The following LRMDA variants were observed in gnomAD, a reference collection of about 807,000 sequenced individuals.
LRMDA encodes leucine-rich melanocyte differentiation-associated protein.
In LRMDA, 18 loss-of-function variants were observed where a neutral mutation model predicts 29.8. The ratio of observed to expected loss-of-function variants is 0.60; its 90% CI spans 0.42 to 0.90. LRMDA has a LOEUF of 0.90. Ranked by LOEUF, LRMDA falls within the 40% of genes least tolerant of loss-of-function variation. LRMDA has a pLI of 0.00. For missense variants in LRMDA, 273 were observed against 273.9 expected (o/e 1.00, Z 0.02); for synonymous variants, 125 against 109.4 (o/e 1.14, Z -0.89).
At chr10:76,424,285 G>A (rs1177574614) in intron 6 of LRMDA, among the ~76,000 whole-genome samples, 2 of 151,960 alleles carry the variant, frequency 1.3e-5, no homozygotes, top group Non-Finnish European at 2.9e-5. Flanking sequence ...ATTGACCTGC[G>A]TAACAGTTTA....
At chr10:76,211,076 A>G (rs530885616) in intron 5 of LRMDA, among the ~76,000 whole-genome samples, 1 of 152,130 alleles carries the variant, frequency 6.6e-6, no homozygotes, top group Admixed American at 6.5e-5. Flanking sequence ...TGTCCTGGGT[A>G]TGTGGGTCCC....
chr10:76,465,387 G>C (rs2132312039), intron 6 of LRMDA, among the ~76,000 whole-genome samples: 1 of 152,284 alleles, frequency 6.6e-6, no homozygotes, highest in Non-Finnish European at 1.5e-5. Context: ...CCCAGGAGCA[G>C]CCTCCTGCTC....
At chr10:75,711,445 T>A (rs889183496) in intron 2 of LRMDA, among the ~76,000 whole-genome samples, 3 of 152,326 alleles carry the variant, frequency 2.0e-5, no homozygotes, top group African/African-American at 4.8e-5. Flanking sequence ...CTAGTTACAA[T>A]TCCCTGTTTT....
chr10:76,539,215 A>G (rs993345220), intron 6 of LRMDA, among the ~76,000 whole-genome samples: 4 of 152,182 alleles, frequency 2.6e-5, no homozygotes, highest in African/African-American at 9.7e-5. Context: ...AAGGAAGAGT[A>G]CAAGGGTTGT....
At chr10:76,537,455 T>A (rs190500053) in intron 6 of LRMDA, among the ~76,000 whole-genome samples, 1 of 152,226 alleles carries the variant, frequency 6.6e-6, no homozygotes, top group Non-Finnish European at 1.5e-5. Context: ...TTGGTCTTCA[T>A]TGAGCTAAAA....
At position 75,581,583 on chromosome 10, in the gene LRMDA, T is replaced by A. The variant is rs964930052; in HGVS notation, c.131+143089T>A. On this transcript the variant is annotated intron_variant, in intron 2 of 6. Transcript: ENST00000611255. ...ATTACTGGGTATATACCCAAAGGAT[T>A]ATAAGTCATTGTACTATGCAGCCAT... Among the ~76,000 whole-genome samples the A allele has an allele frequency of 7.2e-5, 11 of 152,130 alleles. No individual in the cohort carries two copies. In the South Asian group the frequency reaches 1.9e-3, roughly 26 times the overall value.
chr10:76,272,791 G>A (rs1305719288), intron 5 of LRMDA, among the ~76,000 whole-genome samples: 1 of 152,118 alleles, frequency 6.6e-6, no homozygotes, highest in African/African-American at 2.4e-5. Flanking sequence ...CAATCACGGT[G>A]GAAGGCAAAG....
chr10:76,508,173 G>A (rs186449747), intron 6 of LRMDA, among the ~76,000 whole-genome samples: 30 of 152,278 alleles, frequency 2.0e-4, no homozygotes, highest in Admixed American at 2.0e-3. Flanking sequence ...TACCAGCTTT[G>A]ATCACTTGGT....
At chr10:75,914,359 T>G (rs1288808741) in intron 2 of LRMDA, among the ~76,000 whole-genome samples, 1 of 152,248 alleles carries the variant, frequency 6.6e-6, no homozygotes, top group African/African-American at 2.4e-5. Context: ...ACCTGTGACT[T>G]TATTTATCCC....
At chr10:76,131,786 A>C (rs1849997754) in intron 5 of LRMDA, among the ~76,000 whole-genome samples, 1 of 152,146 alleles carries the variant, frequency 6.6e-6, no homozygotes. Context: ...TTGTCCGTTG[A>C]CAGGGCACTT....
chr10:75,919,526 A>C (rs980966760), intron 2 of LRMDA, among the ~76,000 whole-genome samples: 35 of 152,106 alleles, frequency 2.3e-4, no homozygotes, highest in African/African-American at 8.2e-4. Flanking sequence ...CTGGGCCTTT[A>C]GGGTTTTGCC....
chr10:75,499,600 G>A (rs2132068007), intron 2 of LRMDA, among the ~76,000 whole-genome samples: 1 of 152,324 alleles, frequency 6.6e-6, no homozygotes, highest in East Asian at 1.9e-4. Context: ...ATAACTGCTG[G>A]CTACTGTGGT....
intron 6 of LRMDA, among the ~76,000 whole-genome samples, chr10:76,522,529 A>G (rs1389720261): frequency 6.6e-6 from 1 of 152,242 alleles, no homozygotes; most frequent in Non-Finnish European, 1.5e-5. Context: ...GAGCTCTCGC[A>G]AGATGCAAAG....
intron 2 of LRMDA, among the ~76,000 whole-genome samples, chr10:75,570,465 C>G (rs539369402): frequency 8.6e-5 from 13 of 152,016 alleles, no homozygotes; most frequent in Non-Finnish European, 1.9e-4. Flanking sequence ...AATGTAATTT[C>G]TAGAATTTAT....
At chr10:76,201,541 G>A (rs1462227877) in intron 5 of LRMDA, among the ~76,000 whole-genome samples, 2 of 152,180 alleles carry the variant, frequency 1.3e-5, no homozygotes, top group Non-Finnish European at 2.9e-5. Context: ...CTGAGTCCCT[G>A]TTAGCCACAA....
chr10:76,434,043 AT>A (rs2132285586), intron 6 of LRMDA, among the ~76,000 whole-genome samples: 1 of 152,336 alleles, frequency 6.6e-6, no homozygotes, highest in African/African-American at 2.4e-5. Context: ...CTTTAAAAAT[AT>A]AAACATTAAA....
chr10:76,307,189 C>T (rs537729751), intron 5 of LRMDA, among the ~76,000 whole-genome samples: 1 of 152,216 alleles, frequency 6.6e-6, no homozygotes, highest in East Asian at 1.9e-4. Context: ...GATACCAAAG[C>T]TTAGAAGAAT....
chr10:75,703,951 G>A (rs1842337333), intron 2 of LRMDA, among the ~76,000 whole-genome samples: 2 of 152,150 alleles, frequency 1.3e-5, no homozygotes, highest in Non-Finnish European at 2.9e-5. Flanking sequence ...CATTAGGGTA[G>A]GAGGAATTTC....
chr10:75,460,587 G>T (rs1844572990), intron 2 of LRMDA, among the ~76,000 whole-genome samples: 1 of 151,722 alleles, frequency 6.6e-6, no homozygotes, highest in Non-Finnish European at 1.5e-5. Flanking sequence ...TTTATTTTTT[G>T]ATTATAAGAT....
Sources: allele counts gnomAD v4.1 joint callset (sites outside exome capture counted in the v4.1 genomes callset), GRCh38; gene constraint gnomAD v4.1.1; transcripts MANE v1.5; gene names NCBI Gene and HGNC (gene_info 2026-07-23, HGNC 2026-07-21).